The following ZNF804A variants were observed in gnomAD, a reference collection of about 807,000 sequenced individuals.
ZNF804A encodes the protein zinc finger protein 804A.
A neutral mutation model predicts 16.5 loss-of-function variants in ZNF804A; 2 were observed. That is an observed-to-expected ratio of 0.12 (90% CI 0.05 to 0.38). The LOEUF (loss-of-function observed/expected upper bound fraction) is 0.38, where lower values mean the gene tolerates loss of function less well. Among genes scored for constraint, ZNF804A ranks in the 10% least tolerant of loss-of-function variants. ZNF804A has a pLI of 0.99. For synonymous variants in ZNF804A, 534 were observed against 489.6 expected, an observed-to-expected ratio of 1.09 and a Z score of -1.20; for missense variants, 1,473 against 1,390.7, an observed-to-expected ratio of 1.06 and a Z score of -0.94.
intron 2 of ZNF804A, among the ~76,000 whole-genome samples, chr2:184,918,806 T>C (rs1286631208): frequency 1.3e-5 from 2 of 152,058 alleles, no homozygotes; most frequent in South Asian, 2.1e-4. Flanking sequence ...CATCCACCAG[T>C]AGGGGAGGGG....
chr2:184,648,042 C>T (rs1047286997), intron 1 of ZNF804A, among the ~76,000 whole-genome samples: 1 of 152,088 alleles, frequency 6.6e-6, no homozygotes, highest in African/African-American at 2.4e-5. Flanking sequence ...GAATTCTCAG[C>T]AGAACAAAGG....
chr2:184,870,412 C>CT lies in ZNF804A; in HGVS notation c.255+3902dup, dbSNP rs1695957616. Among the ~76,000 whole-genome samples, 3 of 152,000 alleles carry CT rather than the reference C, an allele frequency of 2.0e-5. No individual in the cohort carries two copies. In the South Asian group the frequency reaches 6.2e-4, roughly 32 times the overall value. On this transcript the variant is annotated intron_variant, in intron 2 of 3. Transcript: ENST00000302277. ...AGATAGTGGTATCAGAGATATTCAA[C>CT]TTAGTTTATAATGCTTTATATGATT... is the stretch of plus-strand genomic sequence containing the variant.
chr2:184,816,030 G>A (rs1263334867), intron 1 of ZNF804A, among the ~76,000 whole-genome samples: 1 of 151,994 alleles, frequency 6.6e-6, no homozygotes, highest in Non-Finnish European at 1.5e-5. Flanking sequence ...TTTGACAAAT[G>A]CATTATGAAC....
At chr2:184,839,376 T>C (rs927308638) in intron 1 of ZNF804A, among the ~76,000 whole-genome samples, 1 of 152,114 alleles carries the variant, frequency 6.6e-6, no homozygotes, top group Non-Finnish European at 1.5e-5. Flanking sequence ...TCGTATGCAA[T>C]TTAAAAATCT....
intron 1 of ZNF804A, among the ~76,000 whole-genome samples, chr2:184,697,527 A>C (rs1692852223): frequency 1.3e-5 from 2 of 152,120 alleles, no homozygotes; most frequent in Admixed American, 6.5e-5. Flanking sequence ...ACAGAATTAG[A>C]ATCAGATAAT....
chr2:184,838,607 T>C (rs1458516487), intron 1 of ZNF804A, among the ~76,000 whole-genome samples: 1 of 152,136 alleles, frequency 6.6e-6, no homozygotes, highest in Non-Finnish European at 1.5e-5. Flanking sequence ...TTCATATTTT[T>C]ATTAAATACA....
At chr2:184,749,156 A>G (rs1337638902) in intron 1 of ZNF804A, among the ~76,000 whole-genome samples, 1 of 151,184 alleles carries the variant, frequency 6.6e-6, no homozygotes, top group Non-Finnish European at 1.5e-5. Context: ...GAATCTGTAA[A>G]TTGCTATGAG....
intron 1 of ZNF804A, among the ~76,000 whole-genome samples, chr2:184,629,086 A>G (rs1383744115): frequency 6.6e-6 from 1 of 151,934 alleles, no homozygotes; most frequent in Non-Finnish European, 1.5e-5. Context: ...GCCTGTTGAC[A>G]TTGTTCACTT....
chr2:184,639,170 T>C (rs1691751728), intron 1 of ZNF804A, among the ~76,000 whole-genome samples: 1 of 147,012 alleles, frequency 6.8e-6, no homozygotes, highest in Non-Finnish European at 1.5e-5. Context: ...GCCTCCAGGG[T>C]TCAAGAAATT....
chr2:184,789,488 T>G lies in ZNF804A; in HGVS notation c.112-76881T>G, dbSNP rs192367203. Among the ~76,000 whole-genome samples, 102 of 152,240 alleles carry G rather than the reference T, an allele frequency of 6.7e-4. 1 individual carries two copies. The highest frequency in any genetic ancestry group is 9.0e-4 in the Non-Finnish European group (61 of 67,974). On this transcript the variant is annotated intron_variant, in intron 1 of 3. Coordinates refer to ENST00000302277, the MANE Select transcript of ZNF804A (RefSeq NM_194250.2). ...TAGGCTTTGTTGTTGTTGTTGTTAA[T>G]TTTTAGGACTCATTCAATTTCATTA...
intron 2 of ZNF804A, among the ~76,000 whole-genome samples, chr2:184,904,425 C>T (rs1279421421): frequency 3.9e-5 from 6 of 151,942 alleles, no homozygotes; most frequent in Non-Finnish European, 8.8e-5. Flanking sequence ...TTTAGAGGTG[C>T]AGATAGAAGC....
At chr2:184,624,000 G>T (rs1258047455) in intron 1 of ZNF804A, among the ~76,000 whole-genome samples, 1 of 152,018 alleles carries the variant, frequency 6.6e-6, no homozygotes, top group Non-Finnish European at 1.5e-5. Context: ...AATTAGTCAG[G>T]GGGACTAAAA....
At chr2:184,705,715 T>C (rs1693017117) in intron 1 of ZNF804A, among the ~76,000 whole-genome samples, 1 of 152,158 alleles carries the variant, frequency 6.6e-6, no homozygotes, top group East Asian at 1.9e-4. Context: ...CTTTCACACA[T>C]AAATACACAC....
chr2:184,837,072 C>T (rs951320480), intron 1 of ZNF804A, among the ~76,000 whole-genome samples: 25 of 152,048 alleles, frequency 1.6e-4, no homozygotes, highest in African/African-American at 6.0e-4. Flanking sequence ...TCATACTCTT[C>T]AGAAGCCTTC....
At chr2:184,873,754 G>A (rs2105814497) in intron 2 of ZNF804A, among the ~76,000 whole-genome samples, 1 of 152,154 alleles carries the variant, frequency 6.6e-6, no homozygotes, top group South Asian at 2.1e-4. Flanking sequence ...AACACTAAAG[G>A]CTTATATGTG....
intron 1 of ZNF804A, among the ~76,000 whole-genome samples, chr2:184,677,755 G>A (rs982410989): frequency 6.6e-6 from 1 of 151,952 alleles, no homozygotes; most frequent in African/African-American, 2.4e-5. Flanking sequence ...AAAGCACATT[G>A]CAGTGGGAGA....
At chr2:184,819,749 C>T (rs1030308833) in intron 1 of ZNF804A, among the ~76,000 whole-genome samples, 1 of 151,940 alleles carries the variant, frequency 6.6e-6, no homozygotes, top group Non-Finnish European at 1.5e-5. Context: ...ACCACTGACC[C>T]CGCAGAAATA....
At chr2:184,674,873 A>G (rs996203437) in intron 1 of ZNF804A, among the ~76,000 whole-genome samples, 44 of 151,878 alleles carry the variant, frequency 2.9e-4, no homozygotes, top group African/African-American at 1.1e-3. Context: ...TTTTTAATTA[A>G]AATAATAAAG....
intron 1 of ZNF804A, among the ~76,000 whole-genome samples, chr2:184,773,335 T>C (rs1224307959): frequency 6.6e-6 from 1 of 151,730 alleles, no homozygotes; most frequent in Non-Finnish European, 1.5e-5. Flanking sequence ...GCTGTGAAAA[T>C]AGAATAATGC....
Sources: gnomAD v4.1 joint callset for allele counts (sites outside exome capture counted in the v4.1 genomes callset) on GRCh38, gnomAD v4.1.1 for gene constraint, MANE v1.5 for transcripts, NCBI Gene and HGNC (gene_info 2026-07-23, HGNC 2026-07-21) for gene names.